LPA: variants seen among roughly 807,000 people sequenced by gnomAD.
LPA encodes apolipoprotein(a).
A neutral mutation model predicts 197.9 loss-of-function variants in LPA; 199 were observed. The observed-to-expected ratio is 1.01, with a 90% confidence interval of 0.90 to 1.13. LPA has a LOEUF of 1.13. LPA is among the 50% of genes most tolerant of loss of function. The pLI is 0.00. For synonymous variants in LPA, 715 were observed against 639.5 expected (o/e 1.12, Z -1.78); for missense variants, 1,853 against 1,785.8 (o/e 1.04, Z -0.68).
At chr6:160,579,597 ACC>A (rs1562329383) in intron 26 of LPA, among the ~76,000 whole-genome samples, 1 of 152,092 alleles carries the variant, frequency 6.6e-6, no homozygotes, top group African/African-American at 2.4e-5. Flanking sequence ...GCAGGTGAAG[ACC>A]CCAGGCTGGA....
chr6:160,605,090 C>T lies in LPA; in HGVS notation c.2901G>A (p.Met967Ile), dbSNP rs1222118132. The T allele has an allele frequency of 6.2e-7, 1 of 1,613,878 alleles. No individual in the cohort carries two copies. Among genetic ancestry groups the T allele is most frequent in the Non-Finnish European group, 8.5e-7 (1 of 1,179,818 alleles). ...TGRTCQAWSS[M>I]TPHSHSRTPA... is the part of the protein sequence containing the mutation. ...GGGTCCGACTATGCGAGTGTGGTGT[C>T]ATAGATGACCAAGCTTGGCAGGTTC... The change falls in exon 18 of 39, where the codon ATG (methionine) becomes ATA (isoleucine). Residue 967 changes from methionine to isoleucine, a missense_variant. By Grantham distance (10) the Met-to-Ile change is conservative (BLOSUM62 1). Coordinates refer to ENST00000316300, the MANE Select transcript of LPA (RefSeq NM_005577.4).
intron 28 of LPA, among the ~76,000 whole-genome samples, chr6:160,562,537 G>T (rs1312357086): frequency 6.6e-6 from 1 of 152,100 alleles, no homozygotes; most frequent in Non-Finnish European, 1.5e-5. Flanking sequence ...TTCTTTTCTT[G>T]TTGTGTCTCT....
intron 19 of LPA, 32 bp downstream of exon 19, chr6:160,600,885 C>A: frequency 6.2e-7 from 1 of 1,609,638 alleles, no homozygotes; most frequent in Non-Finnish European, 8.5e-7. Context: ...TCCCAGCATC[C>A]AAGCAGGTAA....
chr6:160,610,821 A>G (rs1779486598), intron 16 of LPA, among the ~76,000 whole-genome samples: 3 of 152,108 alleles, frequency 2.0e-5, no homozygotes, highest in Admixed American at 2.0e-4. Context: ...TATGGAGTTG[A>G]GCTCATCATT....
chr6:160,536,538 T>C (rs142185877), intron 37 of LPA, among the ~76,000 whole-genome samples: 2 of 152,292 alleles, frequency 1.3e-5, no homozygotes, highest in African/African-American at 4.8e-5. Flanking sequence ...TGACAGCCCA[T>C]AGGCAGGAGC....
At chr6:160,608,057 T>C (rs1445054764) in intron 16 of LPA, among the ~76,000 whole-genome samples, 4 of 152,210 alleles carry the variant, frequency 2.6e-5, no homozygotes, top group African/African-American at 9.7e-5. Flanking sequence ...TAAAATTAAA[T>C]ATATTGCTAT....
At chr6:160,538,221 G>C (rs1185595437) in intron 36 of LPA, among the ~76,000 whole-genome samples, 1 of 152,206 alleles carries the variant, frequency 6.6e-6, no homozygotes, top group African/African-American at 2.4e-5. Context: ...TTTGAAAGTA[G>C]GGATGACAAA....
chr6:160,542,781 G>A lies in LPA; in HGVS notation c.5426C>T (p.Pro1809Leu), dbSNP rs796773454. 2.5e-6 allele frequency: 4 copies of A among 1,613,986 alleles called. No individual in the cohort carries two copies. Among genetic ancestry groups the A allele is most frequent in the South Asian group, 2.2e-5 (2 of 91,084 alleles). ...AGGACATTTCTTCGGCTCCACTTGA[G>A]GCTTCCCACAATCAAATGAAGAGGA... ...CASSSFDCGKPQVEPKKCPGS... is the reference protein window; with the variant it reads ...CASSSFDCGKLQVEPKKCPGS... Residue 1809 changes from proline to leucine, a missense_variant, in exon 34 of 39, where the codon CCT becomes CTT. Transcript: ENST00000316300.
intron 16 of LPA, among the ~76,000 whole-genome samples, chr6:160,606,962 C>T (rs1779369014): frequency 6.6e-6 from 1 of 152,096 alleles, no homozygotes; most frequent in Admixed American, 6.5e-5. Flanking sequence ...TGCCTTCTGC[C>T]CAATCCATCT....
At chr6:160,561,570 A>G (rs1209420475) in intron 28 of LPA, among the ~76,000 whole-genome samples, 1 of 152,176 alleles carries the variant, frequency 6.6e-6, no homozygotes, top group Non-Finnish European at 1.5e-5. Context: ...TTTCTATTCC[A>G]TATGAAATTG....
Position 160,605,107 on chromosome 6 carries a change from G to A in LPA, c.2884C>T (p.Gln962Ter). ...YFITVTGRTC[Q>*]AWSSMTPHSH... ...TGTGGTGTCATAGATGACCAAGCTT[G>A]GCAGGTTCTTCCTGTGACAGTAATG... Residue 962 changes from glutamine to a stop codon, truncating the protein, a stop_gained, in exon 18 of 39, where the codon CAA (glutamine) becomes TAA (stop). Coordinates refer to ENST00000316300, the MANE Select transcript of LPA (RefSeq NM_005577.4). LOFTEE classifies it high-confidence loss of function. The A allele has an allele frequency of 6.2e-7, 1 of 1,613,914 alleles. No homozygotes were observed. Among genetic ancestry groups the A allele is most frequent in the Non-Finnish European group, 8.5e-7 (1 of 1,179,838 alleles).
chr6:160,599,199 C>A (rs933506788), intron 20 of LPA, among the ~76,000 whole-genome samples: 1 of 151,996 alleles, frequency 6.6e-6, no homozygotes. Context: ...AAAAATTAGC[C>A]GGGTGTGGTG....
chr6:160,560,957 T>G (rs888082368), intron 28 of LPA, among the ~76,000 whole-genome samples: 19 of 152,324 alleles, frequency 1.2e-4, no homozygotes, highest in African/African-American at 4.3e-4. Flanking sequence ...TTGCCCAGGC[T>G]GGAGTGCAGT....
rs779105492 is a variant in LPA at position 160,578,632 on chromosome 6, A to G, written c.4362T>C (p.Ser1454=). 3 of 1,614,008 alleles carry G rather than the reference A, an allele frequency of 1.9e-6. No individual in the cohort carries two copies. The highest frequency in any genetic ancestry group is 2.5e-6 in the Non-Finnish European group (3 of 1,179,922). Residue 1454 remains serine (S), a synonymous_variant, in exon 27 of 39, where the codon AGT becomes AGC. Coordinates refer to ENST00000316300, the MANE Select transcript of LPA (RefSeq NM_005577.4). ...TCAGGTTGCAGTACTCCCACCTGAC[A>G]CTGGGATCCATGGTGTAACACCAAG... ...IRPWCYTMDP[S]VRWEYCNLTR... is the part of the protein sequence containing the mutation.
At chr6:160,565,878 A>G (rs1778444134) in intron 28 of LPA, among the ~76,000 whole-genome samples, 2 of 152,224 alleles carry the variant, frequency 1.3e-5, no homozygotes, top group South Asian at 4.1e-4. Flanking sequence ...ACTACGTGAC[A>G]CATGAACAAG....
intron 37 of LPA, among the ~76,000 whole-genome samples, chr6:160,536,612 T>C (rs1777899058): frequency 6.6e-6 from 1 of 152,152 alleles, no homozygotes; most frequent in African/African-American, 2.4e-5. Flanking sequence ...GCTTCCTCAA[T>C]GGTAAAATAG....
rs1264086556 is a variant in LPA, at chr6:160,538,027, G to A, written c.5736-66C>T. ...TGGAAGTGGCAGTACCTACAACCAG[G>A]CATCCCTGCCTTGAAGCCCCAGAGC... On this transcript the variant is annotated intron_variant, in intron 36 of 38. Transcript: ENST00000316300. 2.2e-6 allele frequency: 3 copies of A among 1,393,280 alleles called. No individual in the cohort carries two copies. The African/African-American group carries it at 4.3e-5, about 20-fold the overall frequency. The allele number at this position is 1,393,280 out of a possible 1,614,324, so 86.3% of individuals were successfully genotyped here.
chr6:160,611,084 G>A (rs1276855547), intron 16 of LPA, among the ~76,000 whole-genome samples: 2 of 152,104 alleles, frequency 1.3e-5, no homozygotes, highest in Non-Finnish European at 2.9e-5. Context: ...TTAGGACCAA[G>A]AGATTTTCTC....
intron 26 of LPA, among the ~76,000 whole-genome samples, chr6:160,584,196 TC>T (rs1778853585): frequency 1.8e-5 from 2 of 109,514 alleles, no homozygotes; most frequent in Non-Finnish European, 3.6e-5. Context: ...TTCTTCTTCT[TC>T]TTCTTCTTCT....
Sources: gnomAD v4.1 joint callset for allele counts (sites outside exome capture counted in the v4.1 genomes callset) on GRCh38, gnomAD v4.1.1 for gene constraint, MANE v1.5 for transcripts, NCBI Gene and HGNC (gene_info 2026-07-23, HGNC 2026-07-21) for gene names.